LRGUK: variants seen among roughly 807,000 people sequenced by gnomAD.
LRGUK encodes leucine-rich repeat and guanylate kinase domain-containing protein.
In LRGUK, 65 loss-of-function variants were observed where a neutral mutation model predicts 76.0. That is an observed-to-expected ratio of 0.85 (90% CI 0.70 to 1.05). The LOEUF is 1.05. Ranked by LOEUF, LRGUK falls within the 50% of genes least tolerant of loss-of-function variation. The probability of loss-of-function intolerance (pLI) is 0.00; values close to 1 mark genes in which losing one functional copy is unlikely to be tolerated. For synonymous variants in LRGUK, 268 were observed against 265.6 expected (o/e 1.01, Z -0.09); for missense variants, 758 against 732.8 (o/e 1.03, Z -0.40).
chr7:134,214,830 A>G (rs564701469), downstream of LRGUK, among the ~76,000 whole-genome samples: 127 of 151,642 alleles, frequency 8.4e-4, no homozygotes, highest in African/African-American at 2.8e-3. Context: ...AAGAGCTGTC[A>G]TGAGAAAGCA....
At chr7:134,177,104 TTAA>T in intron 9 of LRGUK, 41 bp downstream of exon 9, 1 of 1,288,274 alleles carries the variant, frequency 7.8e-7, no homozygotes. Context: ...TGTTATTGGG[TTAA>T]TATGCTCAAA....
At chr7:134,238,770 A>T (rs574507992) in intron 16 of LRGUK, among the ~76,000 whole-genome samples, 2 of 152,126 alleles carry the variant, frequency 1.3e-5, no homozygotes, top group East Asian at 3.9e-4. Context: ...TAACTTTGGG[A>T]TTCCACTAGA....
intron 5 of LRGUK, among the ~76,000 whole-genome samples, chr7:134,155,894 G>A (rs1561111): frequency 0.76 from 115,238 of 151,928 alleles, 44,436 homozygotes; most frequent in African/African-American, 0.89. Context: ...TAAAAAAATT[G>A]TTTGTTTCTC....
chr7:134,227,863 G>A (rs1801801028), intron 16 of LRGUK, among the ~76,000 whole-genome samples: 1 of 152,080 alleles, frequency 6.6e-6, no homozygotes, highest in Non-Finnish European at 1.5e-5. Context: ...GAAATATAGT[G>A]GAAGAGTGAA....
At chr7:134,128,229 A>C (rs1270313435) in intron 1 of LRGUK, among the ~76,000 whole-genome samples, 1 of 152,196 alleles carries the variant, frequency 6.6e-6, no homozygotes, top group African/African-American at 2.4e-5. Flanking sequence ...ATGCACACAC[A>C]CCAGAAAAGA....
chr7:134,227,660 T>C (rs1437936573), intron 16 of LRGUK, among the ~76,000 whole-genome samples: 5 of 152,132 alleles, frequency 3.3e-5, no homozygotes, highest in African/African-American at 1.2e-4. Flanking sequence ...ACTGCATTTA[T>C]AATGGCCAAG....
At chr7:134,248,977 G>A (rs754102857) in exon 18 of LRGUK, 1 of 1,554,966 alleles carries the variant, frequency 6.4e-7, no homozygotes, top group South Asian at 1.3e-5. Context: ...CCTCTCACCA[G>A]TGGTCTACAC....
intron 15 of LRGUK, 52 bp downstream of exon 15, chr7:134,201,628 A>T: frequency 7.3e-7 from 1 of 1,364,978 alleles, no homozygotes; most frequent in South Asian, 1.2e-5. Context: ...CATGGAAAGG[A>T]AAACAAATCT....
chr7:134,246,115 A>C (rs1172946121), intron 16 of LRGUK, among the ~76,000 whole-genome samples: 2 of 152,238 alleles, frequency 1.3e-5, no homozygotes, highest in Admixed American at 1.3e-4. Flanking sequence ...TCTCTAAGGA[A>C]CAATTTCAAA....
Position 134,252,379 on chromosome 7 carries a change from AAAG to A in LRGUK, c.2198+3304_2198+3306del, listed in dbSNP as rs1802473008. On this transcript the variant is annotated intron_variant, in intron 18 of 19. Coordinates refer to the LRGUK transcript ENST00000285928. ...AAATTAAATTAAATTAAATTAAATT[AAAG>A]GGACCTAACATTCTGGCATAGAATT... Among the ~76,000 whole-genome samples, 3 of 149,844 alleles carry A rather than the reference AAAG, an allele frequency of 2.0e-5. No homozygotes were observed. The South Asian group carries it at 6.3e-4, about 32-fold the overall frequency.
chr7:134,174,810 AT>A (rs571471419), intron 8 of LRGUK, among the ~76,000 whole-genome samples, 174 bp downstream of exon 8: 125 of 150,618 alleles, frequency 8.3e-4, no homozygotes, highest in African/African-American at 2.9e-3. Context: ...TAAAGTGACA[AT>A]TTTTTTTTTA....
At chr7:134,246,055 C>A (rs956157445) in intron 16 of LRGUK, among the ~76,000 whole-genome samples, 2 of 152,148 alleles carry the variant, frequency 1.3e-5, no homozygotes, top group South Asian at 4.1e-4. Context: ...AATCAAGTAT[C>A]CACCAGAGAG....
intron 3 of LRGUK, among the ~76,000 whole-genome samples, chr7:134,141,350 C>T (rs1797756420): frequency 1.3e-5 from 2 of 152,154 alleles, no homozygotes; most frequent in Non-Finnish European, 1.5e-5. Context: ...AGGTTTGGGG[C>T]GGGGCCTGGA....
At chr7:134,174,826 A>G (rs537291120) in intron 8 of LRGUK, among the ~76,000 whole-genome samples, 190 bp downstream of exon 8, 20 of 152,260 alleles carry the variant, frequency 1.3e-4, no homozygotes, top group Non-Finnish European at 2.9e-4. Flanking sequence ...TTTTTAAGAC[A>G]TAAGATCTTC....
At chr7:134,156,300 A>G (rs1055436009) in intron 5 of LRGUK, among the ~76,000 whole-genome samples, 2 of 151,456 alleles carry the variant, frequency 1.3e-5, no homozygotes, top group East Asian at 1.9e-4. Flanking sequence ...CTATTGATTT[A>G]TTGTCATTTT....
At chr7:134,139,379 G>A in intron 2 of LRGUK, 57 bp from the exon 3 acceptor site, 1 of 1,108,796 alleles carries the variant, frequency 9.0e-7, no homozygotes, top group African/African-American at 1.6e-5. Flanking sequence ...ATTGCAAGAA[G>A]GCTGAGTAGT....
intron 7 of LRGUK, among the ~76,000 whole-genome samples, chr7:134,170,112 C>T (rs1799179710): frequency 1.3e-5 from 2 of 152,002 alleles, no homozygotes; most frequent in Non-Finnish European, 2.9e-5. Context: ...TGAGGTTAAA[C>T]ATTTTTTTGA....
intron 15 of LRGUK, among the ~76,000 whole-genome samples, chr7:134,220,928 T>A (rs1484771723): frequency 6.6e-6 from 1 of 152,114 alleles, no homozygotes; most frequent in Non-Finnish European, 1.5e-5. Flanking sequence ...TCATACCATG[T>A]ATTCAAACCT....
chr7:134,161,493 AC>A (rs1284066102), intron 6 of LRGUK, among the ~76,000 whole-genome samples: 1 of 152,014 alleles, frequency 6.6e-6, no homozygotes, highest in Admixed American at 6.6e-5. Flanking sequence ...GTGTGCTATC[AC>A]TTAGCTTTGT....
Sources: gnomAD v4.1 joint callset for allele counts (sites outside exome capture counted in the v4.1 genomes callset) on GRCh38, gnomAD v4.1.1 for gene constraint, MANE v1.5 for transcripts, NCBI Gene and HGNC (gene_info 2026-07-23, HGNC 2026-07-21) for gene names.